The following IL1RAPL2 variants were observed in gnomAD, a reference collection of about 807,000 sequenced individuals.
The protein encoded by IL1RAPL2 is X-linked interleukin-1 receptor accessory protein-like 2.
A neutral mutation model predicts 44.1 loss-of-function variants in IL1RAPL2; 3 were observed. That is an observed-to-expected ratio of 0.07 (90% CI 0.03 to 0.18). The LOEUF (loss-of-function observed/expected upper bound fraction) is 0.18. IL1RAPL2 is among the 10% of genes least tolerant of loss of function. The pLI is 1.00. For synonymous variants in IL1RAPL2, 181 were observed against 178.8 expected, an observed-to-expected ratio of 1.01 and a Z score of -0.10; for missense variants, 391 against 496.4, an observed-to-expected ratio of 0.79 and a Z score of 2.02.
chrX:105,728,682 T>C (rs1171733382), intron 7 of IL1RAPL2, among the ~76,000 whole-genome samples: 1 of 111,257 alleles, frequency 9.0e-6, no homozygotes, highest in South Asian at 3.7e-4. Context: ...CTTGACTTAG[T>C]GTGGCACATT....
At chrX:105,144,091 ATGGGTG>A (rs1204030670) in intron 2 of IL1RAPL2, among the ~76,000 whole-genome samples, 3 of 82,136 alleles carry the variant, frequency 3.7e-5, no homozygotes, top group Non-Finnish European at 6.9e-5. Flanking sequence ...CTTTCAACAG[ATGGGTG>A]TGTGTGTGTG....
At chrX:105,475,397 C>A (rs2036191152) in intron 5 of IL1RAPL2, among the ~76,000 whole-genome samples, 1 of 110,825 alleles carries the variant, frequency 9.0e-6, no homozygotes, top group Admixed American at 9.6e-5. Context: ...ATTTCTAGAT[C>A]CTGACAGATC....
At chrX:105,042,534 C>A (rs1321604216) in intron 2 of IL1RAPL2, among the ~76,000 whole-genome samples, 1 of 106,622 alleles carries the variant, frequency 9.4e-6, no homozygotes, top group Non-Finnish European at 1.9e-5. Flanking sequence ...TGAGATACCA[C>A]CTCACACCAG....
intron 6 of IL1RAPL2, among the ~76,000 whole-genome samples, chrX:105,514,258 A>G (rs1331995721): frequency 2.7e-5 from 3 of 111,626 alleles, no homozygotes; most frequent in African/African-American, 9.8e-5. Context: ...TTTACAAGCA[A>G]TAAGCGTTGG....
intron 6 of IL1RAPL2, among the ~76,000 whole-genome samples, chrX:105,548,738 T>C (rs1034572334): frequency 4.5e-5 from 5 of 111,489 alleles, no homozygotes; most frequent in Non-Finnish European, 9.4e-5. Context: ...TGCTTCTTCA[T>C]AGGTAAAGTG....
intron 5 of IL1RAPL2, among the ~76,000 whole-genome samples, chrX:105,402,631 C>T (rs1347940796): frequency 9.0e-6 from 1 of 111,182 alleles, no homozygotes; most frequent in Non-Finnish European, 1.9e-5. Flanking sequence ...GCTGCTTTGG[C>T]TTTGATTAAA....
chrX:105,681,669 A>G (rs766055220), intron 6 of IL1RAPL2, among the ~76,000 whole-genome samples: 1 of 111,486 alleles, frequency 9.0e-6, no homozygotes, highest in African/African-American at 3.3e-5. Flanking sequence ...GAGGCCGGAT[A>G]ATTGCTTGAA....
chrX:105,594,316 T>G (rs2037192925), intron 6 of IL1RAPL2, among the ~76,000 whole-genome samples: 1 of 112,278 alleles, frequency 8.9e-6, no homozygotes, highest in Admixed American at 9.5e-5. Context: ...TCTAACTTTT[T>G]GATTTATGTA....
intron 2 of IL1RAPL2, among the ~76,000 whole-genome samples, chrX:104,727,656 C>T (rs1408092275): frequency 1.8e-5 from 2 of 111,549 alleles, no homozygotes; most frequent in African/African-American, 6.5e-5. Context: ...CAGTACTATT[C>T]ACAACAGCAA....
At chrX:105,735,555 A>C (rs769012443) in intron 7 of IL1RAPL2, among the ~76,000 whole-genome samples, 4 of 110,161 alleles carry the variant, frequency 3.6e-5, no homozygotes, top group Non-Finnish European at 7.6e-5. Context: ...GCAAAAACCT[A>C]CTCTTGTCTT....
intron 5 of IL1RAPL2, among the ~76,000 whole-genome samples, chrX:105,353,288 A>G (rs1438634850): frequency 1.8e-5 from 2 of 111,166 alleles, no homozygotes; most frequent in African/African-American, 6.6e-5. Context: ...CCATTGGTCT[A>G]TATATCTGTT....
intron 5 of IL1RAPL2, among the ~76,000 whole-genome samples, chrX:105,447,912 TATAA>T (rs2035985192): frequency 1.0e-5 from 1 of 95,481 alleles, no homozygotes; most frequent in African/African-American, 3.8e-5. Flanking sequence ...ATGTTAAAAA[TATAA>T]ATATATAAAT....
At chrX:105,154,976 GT>G (rs2147591374) in intron 2 of IL1RAPL2, among the ~76,000 whole-genome samples, 1 of 111,797 alleles carries the variant, frequency 8.9e-6, no homozygotes, top group East Asian at 2.8e-4. Flanking sequence ...CAACTCATTT[GT>G]TATTCAACCT....
At chrX:104,827,240 G>A (rs1267717885) in intron 2 of IL1RAPL2, among the ~76,000 whole-genome samples, 2 of 110,261 alleles carry the variant, frequency 1.8e-5, no homozygotes, top group East Asian at 2.9e-4. Context: ...TTACATTTTG[G>A]TTTGTTTTGC....
chrX:105,068,544 G>A (rs1389686151), intron 2 of IL1RAPL2, among the ~76,000 whole-genome samples: 1 of 111,650 alleles, frequency 9.0e-6, no homozygotes, highest in Non-Finnish European at 1.9e-5. Context: ...TTGTTTCTTC[G>A]ATGTAATAAT....
rs755894313 is a variant in IL1RAPL2 at position 105,405,026 on chromosome X, A to G, written c.698-79287A>G. The stretch of plus-strand genomic sequence containing the variant: ...TGTTTATTCTCACATATGGTTATAT[A>G]CATATATATAGAGAGAGAGACTTGT... On this transcript the variant is annotated intron_variant, in intron 5 of 10. Transcript: ENST00000372582. Among the ~76,000 whole-genome samples the G allele has an allele frequency of 9.0e-5, 10 of 111,605 alleles. No homozygotes were observed. The South Asian group carries it at 3.8e-3, about 42-fold the overall frequency.
At chrX:105,435,071 ATGTC>A (rs754602155) in intron 5 of IL1RAPL2, among the ~76,000 whole-genome samples, 1 of 111,552 alleles carries the variant, frequency 9.0e-6, no homozygotes, top group Admixed American at 9.6e-5. Flanking sequence ...ATTGATCTAT[ATGTC>A]TGTTTTGGTT....
intron 2 of IL1RAPL2, among the ~76,000 whole-genome samples, chrX:104,953,287 C>T (rs754420539): frequency 9.0e-6 from 1 of 111,554 alleles, no homozygotes; most frequent in East Asian, 2.8e-4. Flanking sequence ...GCTGAGTACT[C>T]TTATAGAAGA....
intron 2 of IL1RAPL2, among the ~76,000 whole-genome samples, chrX:105,121,099 A>G (rs2032920759): frequency 9.0e-6 from 1 of 111,726 alleles, no homozygotes; most frequent in Non-Finnish European, 1.9e-5. Flanking sequence ...TAAATTGAGA[A>G]ATCTTGAATA....
Sources: gnomAD v4.1 joint callset for allele counts (sites outside exome capture counted in the v4.1 genomes callset) on GRCh38, gnomAD v4.1.1 for gene constraint, MANE v1.5 for transcripts, NCBI Gene and HGNC (gene_info 2026-07-23, HGNC 2026-07-21) for gene names.